Variants in EML5 observed in about 807,000 individuals in gnomAD.
EML5 encodes echinoderm microtubule-associated protein-like 5.
Under a neutral mutation model 250.0 loss-of-function variants are expected in EML5, and 120 were observed. The ratio of observed to expected loss-of-function variants is 0.48; its 90% CI spans 0.41 to 0.56. EML5 has a LOEUF of 0.56. Ranked by LOEUF, EML5 falls within the 20% of genes least tolerant of loss-of-function variation. EML5 has a pLI of 0.00. For synonymous variants in EML5, 771 were observed against 806.5 expected, an observed-to-expected ratio of 0.96 and a Z score of 0.75; for missense variants, 2,006 against 2,437.6, an observed-to-expected ratio of 0.82 and a Z score of 3.73.
intron 1 of EML5, among the ~76,000 whole-genome samples, chr14:88,760,343 G>GT (rs2094220798): frequency 1.3e-5 from 2 of 151,318 alleles, no homozygotes; most frequent in Admixed American, 6.6e-5. Flanking sequence ...GTAGGTTATA[G>GT]TTGTTTGTTT....
chr14:88,764,343 T>G (rs2094291897), intron 1 of EML5, among the ~76,000 whole-genome samples: 1 of 152,210 alleles, frequency 6.6e-6, no homozygotes, highest in Non-Finnish European at 1.5e-5. Context: ...CTTGTAAGTT[T>G]GGTAGTTTAT....
intron 21 of EML5, among the ~76,000 whole-genome samples, chr14:88,676,224 G>C (rs2092590579): frequency 6.6e-6 from 1 of 152,156 alleles, no homozygotes; most frequent in Non-Finnish European, 1.5e-5. Context: ...CTGCTATGAA[G>C]AAATACCTGA....
intron 8 of EML5, among the ~76,000 whole-genome samples, chr14:88,715,600 G>A (rs559053809): frequency 6.6e-6 from 1 of 151,616 alleles, no homozygotes; most frequent in Admixed American, 6.6e-5. Context: ...GGAGCTAAAT[G>A]TGCAAAATTA....
chr14:88,635,182 T>C (rs1474387389), intron 32 of EML5, among the ~76,000 whole-genome samples: 2 of 152,214 alleles, frequency 1.3e-5, no homozygotes, highest in Non-Finnish European at 2.9e-5. Flanking sequence ...TAGGAATCCA[T>C]TGAAGACAGG....
chr14:88,703,066 C>T (rs911828917), intron 13 of EML5, among the ~76,000 whole-genome samples: 19 of 152,044 alleles, frequency 1.2e-4, no homozygotes, highest in African/African-American at 4.3e-4. Flanking sequence ...AAAAAAATAC[C>T]ACCATCTCAG....
chr14:88,756,337 A>C (rs1566758135), intron 1 of EML5, among the ~76,000 whole-genome samples: 1 of 152,214 alleles, frequency 6.6e-6, no homozygotes, highest in Non-Finnish European at 1.5e-5. Context: ...ATAAACTAGA[A>C]ACTGAAGGAA....
chr14:88,657,155 G>A (rs1209011782), intron 27 of EML5, among the ~76,000 whole-genome samples: 2 of 152,004 alleles, frequency 1.3e-5, no homozygotes, highest in East Asian at 3.9e-4. Flanking sequence ...CACTAAACCT[G>A]GATTATTTTT....
chr14:88,637,070 C>A (rs764499517), intron 32 of EML5, among the ~76,000 whole-genome samples: 13 of 152,174 alleles, frequency 8.5e-5, no homozygotes, highest in Non-Finnish European at 1.5e-4. Context: ...ATTGTAAATG[C>A]TGTTTTGTGT....
At chr14:88,658,991 T>G (rs1234889950) in intron 25 of EML5, among the ~76,000 whole-genome samples, 1 of 152,192 alleles carries the variant, frequency 6.6e-6, no homozygotes, top group Non-Finnish European at 1.5e-5. Context: ...TGTAAATATC[T>G]TTCATCTCAA....
At chr14:88,689,535 T>C (rs899488684) in intron 17 of EML5, among the ~76,000 whole-genome samples, 2 of 152,212 alleles carry the variant, frequency 1.3e-5, no homozygotes, top group African/African-American at 2.4e-5. Context: ...TTTTTCCCAA[T>C]TGGACTCACA....
intron 33 of EML5, among the ~76,000 whole-genome samples, chr14:88,631,279 T>C (rs944853516): frequency 1.3e-5 from 2 of 152,224 alleles, no homozygotes; most frequent in African/African-American, 4.8e-5. Context: ...CATGATGTGA[T>C]CATGACACAC....
chr14:88,668,972 G>A (rs563879203), intron 21 of EML5, among the ~76,000 whole-genome samples: 1 of 151,944 alleles, frequency 6.6e-6, no homozygotes, highest in South Asian at 2.1e-4. Context: ...CAGCAACTGA[G>A]GTATCCAGGT....
Position 88,685,058 on chromosome 14 carries a change from A to G in EML5, c.2939T>C (p.Ile980Thr). The change falls in exon 20 of 44, where the codon ATA becomes ACA. Residue 980 changes from isoleucine (I) to threonine (T), a missense_variant. This residue lies in a region of EML5 where 1,375 missense variants were observed against 1,590.3 expected (regional missense o/e 0.86). Coordinates refer to ENST00000554922, the MANE Select transcript of EML5 (RefSeq NM_183387.3). Reference protein sequence around the residue: ...HILVGTKNGEILEVDKSGPIT... With the variant: ...HILVGTKNGETLEVDKSGPIT... Reference sequence around the variant, plus strand: ...TGGGCCACTTTTATCCACTTCTAGTATTTCACCATTCTTTGTGCCAACTAA... The same window carrying G: ...TGGGCCACTTTTATCCACTTCTAGTGTTTCACCATTCTTTGTGCCAACTAA... 6.2e-7 allele frequency: 1 copy of G among 1,611,834 alleles called. No homozygotes were observed.
chr14:88,649,321 C>A (rs1007131344), intron 28 of EML5, among the ~76,000 whole-genome samples: 71 of 152,254 alleles, frequency 4.7e-4, no homozygotes, highest in African/African-American at 1.7e-3. Flanking sequence ...CAGGCCTGAG[C>A]CACAATTACA....
intron 37 of EML5, chr14:88,621,847 C>A: frequency 2.2e-6 from 1 of 456,420 alleles, no homozygotes; most frequent in Non-Finnish European, 4.4e-6. Flanking sequence ...TAACCATCAC[C>A]TCAGACATTT....
At chr14:88,766,613 G>A (rs370277808) in intron 1 of EML5, among the ~76,000 whole-genome samples, 50 of 152,010 alleles carry the variant, frequency 3.3e-4, no homozygotes, top group South Asian at 1.7e-3. Context: ...TTTTAATTTC[G>A]CCCCAGTCCT....
chr14:88,698,344 C>T (rs1050048995), intron 14 of EML5, among the ~76,000 whole-genome samples: 3 of 146,968 alleles, frequency 2.0e-5, no homozygotes, highest in African/African-American at 5.1e-5. Flanking sequence ...TGGCTCACTG[C>T]GACCTCCGCC....
chr14:88,620,198 A>G lies in EML5; in HGVS notation c.5375+556T>C, dbSNP rs1486889943. 6.6e-6 allele frequency: 1 copy of G among 152,260 alleles called. No homozygotes were observed. Among genetic ancestry groups the G allele is most frequent in the African/African-American group, 2.4e-5 (1 of 41,468 alleles). 9.4% of individuals were successfully genotyped at this position (152,260 alleles called of 1,614,324 possible). ...GTGTACAAGCTTTTGACAGACCTAG[A>G]TTCAATAATCTTATCTACTGATCAC... On this transcript the variant is annotated intron_variant, in intron 39 of 43. Coordinates refer to ENST00000554922, the MANE Select transcript of EML5 (RefSeq NM_183387.3). This position sits in a 1 kb window ranked among gnomAD's most constrained non-coding sequence, Gnocchi z 4.3.
chr14:88,783,107 G>T (rs1566798796), intron 1 of EML5, among the ~76,000 whole-genome samples: 1 of 152,094 alleles, frequency 6.6e-6, no homozygotes, highest in Non-Finnish European at 1.5e-5. Context: ...AAAGAAGAAA[G>T]AAAGAAAAGA....
Sources: gnomAD v4.1 joint callset for allele counts (sites outside exome capture counted in the v4.1 genomes callset) on GRCh38, gnomAD v4.1.1 for gene constraint, gnomAD v4.1.1 regional missense constraint, Gnocchi (gnomAD v3.1) non-coding constraint, MANE v1.5 for transcripts, NCBI Gene and HGNC (gene_info 2026-07-23, HGNC 2026-07-21) for gene names.